Variants in LOC128125818 observed in about 807,000 individuals in gnomAD.
At chr4:6,066,427 A>C in the LOC128125818 span, among the ~76,000 whole-genome samples, 1 of 152,186 alleles carries the variant, frequency 6.6e-6, no homozygotes, top group Non-Finnish European at 1.5e-5. Flanking sequence ...TGCTCACTGC[A>C]TCACCCCTCC....
At chr4:6,069,626 G>C in the LOC128125818 span, among the ~76,000 whole-genome samples, 1 of 152,038 alleles carries the variant, frequency 6.6e-6, no homozygotes, top group Non-Finnish European at 1.5e-5. The surrounding 1 kb of genome is among the most constrained non-coding windows in gnomAD (Gnocchi z 4.5). Flanking sequence ...GGTGGCTGAC[G>C]CCTGTAGTCC....
the LOC128125818 span, among the ~76,000 whole-genome samples, chr4:6,068,786 T>G: frequency 6.6e-6 from 1 of 152,206 alleles, no homozygotes; most frequent in Non-Finnish European, 1.5e-5. Context: ...GCCAGGCTGG[T>G]GTCAAACTCT....
At chr4:6,068,861 T>C in the LOC128125818 span, among the ~76,000 whole-genome samples, 7 of 152,342 alleles carry the variant, frequency 4.6e-5, no homozygotes, top group South Asian at 2.1e-4. Flanking sequence ...TGAGCCATCA[T>C]GCCCAGCCTT....
At chr4:6,066,302 G>A in the LOC128125818 span, among the ~76,000 whole-genome samples, 3 of 152,182 alleles carry the variant, frequency 2.0e-5, no homozygotes. Context: ...CATAAGGCAA[G>A]GAAGAAGATG....
At chr4:6,066,519 T>C in the LOC128125818 span, among the ~76,000 whole-genome samples, 4 of 152,202 alleles carry the variant, frequency 2.6e-5, no homozygotes, top group South Asian at 8.3e-4. Context: ...CTGCGTCCTT[T>C]ATGGCATTGT....
At chr4:6,065,004 T>C in the LOC128125818 span, 1 of 1,614,192 alleles carries the variant, frequency 6.2e-7, no homozygotes, top group Non-Finnish European at 8.5e-7. The surrounding 1 kb of genome is among the most constrained non-coding windows in gnomAD (Gnocchi z 5.1). Flanking sequence ...CTCCACAACA[T>C]GCTTCTGTAA....
chr4:6,066,861 G>C, the LOC128125818 span, among the ~76,000 whole-genome samples: 1 of 152,038 alleles, frequency 6.6e-6, no homozygotes, highest in Non-Finnish European at 1.5e-5. Context: ...CTCCCATCCT[G>C]CCCTGGCATC....
chr4:6,065,075 C>G, the LOC128125818 span: 3 of 1,592,952 alleles, frequency 1.9e-6, no homozygotes, highest in South Asian at 3.3e-5. The surrounding 1 kb of genome is among the most constrained non-coding windows in gnomAD (Gnocchi z 5.1). Flanking sequence ...AGTCCCTGGT[C>G]GTGGGCATGC....
the LOC128125818 span, among the ~76,000 whole-genome samples, chr4:6,066,110 G>A: frequency 6.6e-6 from 1 of 151,968 alleles, no homozygotes; most frequent in South Asian, 2.1e-4. Context: ...CCAGCCCAAG[G>A]CTCTGCTGGC....
the LOC128125818 span, among the ~76,000 whole-genome samples, chr4:6,066,413 T>C: frequency 6.6e-6 from 1 of 152,202 alleles, no homozygotes; most frequent in Admixed American, 6.5e-5. Context: ...GGCACCTGTC[T>C]TTCTGCTCAC....
chr4:6,065,770 A>G, the LOC128125818 span, among the ~76,000 whole-genome samples: 1 of 152,170 alleles, frequency 6.6e-6, no homozygotes, highest in African/African-American at 2.4e-5. The surrounding 1 kb of genome is among the most constrained non-coding windows in gnomAD (Gnocchi z 5.1). Flanking sequence ...CACTCCAAAT[A>G]TCATAGGATA....
the LOC128125818 span, among the ~76,000 whole-genome samples, chr4:6,067,040 T>C: frequency 3.7e-3 from 567 of 152,254 alleles, 2 homozygotes; most frequent in Admixed American, 5.6e-3. The surrounding 1 kb of genome is among the most constrained non-coding windows in gnomAD (Gnocchi z 4.6). Context: ...CTGGCCACCA[T>C]GCCCAGGTCC....
chr4:6,069,636 C>T, the LOC128125818 span, among the ~76,000 whole-genome samples: 57 of 152,040 alleles, frequency 3.7e-4, no homozygotes, highest in East Asian at 0.01. This position sits in a 1 kb window ranked among gnomAD's most constrained non-coding sequence, Gnocchi z 4.5. Context: ...GCCTGTAGTC[C>T]CAGCTACTTG....
chr4:6,066,820 C>T, the LOC128125818 span, among the ~76,000 whole-genome samples: 1 of 152,164 alleles, frequency 6.6e-6, no homozygotes, highest in African/African-American at 2.4e-5. Context: ...AGGCAGGCTA[C>T]AAGTGGTCTG....
the LOC128125818 span, among the ~76,000 whole-genome samples, chr4:6,068,549 A>C: frequency 7.6e-6 from 1 of 130,820 alleles, no homozygotes; most frequent in Admixed American, 9.6e-5. Context: ...ATTTTTAAAA[A>C]TTTTTTAACT....
chr4:6,066,490 C>T, the LOC128125818 span, among the ~76,000 whole-genome samples: 1 of 152,162 alleles, frequency 6.6e-6, no homozygotes, highest in Admixed American at 6.5e-5. Flanking sequence ...CTCCCCCGAA[C>T]TCCAGACTCA....
the LOC128125818 span, among the ~76,000 whole-genome samples, chr4:6,069,234 G>GTTT: frequency 6.6e-6 from 1 of 152,098 alleles, no homozygotes; most frequent in African/African-American, 2.4e-5. The surrounding 1 kb of genome is among the most constrained non-coding windows in gnomAD (Gnocchi z 4.5). Flanking sequence ...TAAAAAAAAT[G>GTTT]GCAAACATGA....
At chr4:6,065,132 A>C in the LOC128125818 span, 1 of 1,203,862 alleles carries the variant, frequency 8.3e-7, no homozygotes, top group East Asian at 2.3e-5. This position sits in a 1 kb window ranked among gnomAD's most constrained non-coding sequence, Gnocchi z 5.1. Flanking sequence ...GGGGCATCAC[A>C]AGATGCGGTT....
At chr4:6,067,341 T>C in the LOC128125818 span, among the ~76,000 whole-genome samples, 1 of 152,224 alleles carries the variant, frequency 6.6e-6, no homozygotes, top group Admixed American at 6.5e-5. This position sits in a 1 kb window ranked among gnomAD's most constrained non-coding sequence, Gnocchi z 4.6. Flanking sequence ...TTGGGCACCA[T>C]GTGGTTACAT....
Sources: allele counts gnomAD v4.1 joint callset (sites outside exome capture counted in the v4.1 genomes callset), GRCh38; gene constraint gnomAD v4.1.1; non-coding constraint Gnocchi (gnomAD v3.1); transcripts MANE v1.5.